The following UTRN variants were observed in gnomAD, a reference collection of about 807,000 sequenced individuals.
UTRN encodes the protein utrophin, also known as dystrophin-related protein 1.
Under a neutral mutation model 463.9 loss-of-function variants are expected in UTRN, and 283 were observed. The observed-to-expected ratio is 0.61, with a 90% CI of 0.55 to 0.67. The LOEUF is 0.67. Among genes scored for constraint, UTRN ranks in the 30% least tolerant of loss-of-function variants. UTRN has a pLI of 0.00. For synonymous variants in UTRN, 1,442 were observed against 1,431.5 expected, an observed-to-expected ratio of 1.01 and a Z score of -0.17; for missense variants, 3,922 against 4,084.3, an observed-to-expected ratio of 0.96 and a Z score of 1.08.
intron 2 of UTRN, among the ~76,000 whole-genome samples, chr6:144,397,586 G>A (rs764416368): frequency 6.6e-6 from 1 of 151,896 alleles, no homozygotes; most frequent in Non-Finnish European, 1.5e-5. Context: ...ATAGCCCTCT[G>A]TGTTTTCTTG....
intron 51 of UTRN, among the ~76,000 whole-genome samples, chr6:144,661,372 T>C (rs1228979407): frequency 1.3e-5 from 2 of 152,124 alleles, no homozygotes; most frequent in Non-Finnish European, 2.9e-5. Flanking sequence ...AGAGAAGAAT[T>C]TAGCTCTTTG....
intron 58 of UTRN, among the ~76,000 whole-genome samples, chr6:144,762,388 A>C (rs1408208481): frequency 1.3e-5 from 2 of 152,208 alleles, no homozygotes; most frequent in Non-Finnish European, 2.9e-5. Context: ...AGAAAGTATG[A>C]GCAAACATCC....
intron 2 of UTRN, among the ~76,000 whole-genome samples, chr6:144,370,653 G>A (rs1446695610): frequency 6.6e-6 from 1 of 152,104 alleles, no homozygotes; most frequent in East Asian, 1.9e-4. Context: ...CCCCAGAATG[G>A]TAGATCCACT....
intron 60 of UTRN, 45 bp downstream of exon 60, chr6:144,774,409 G>GTTTTT: frequency 7.8e-7 from 1 of 1,277,758 alleles, no homozygotes; most frequent in Non-Finnish European, 1.1e-6. Flanking sequence ...CTTGAATTGC[G>GTTTTT]TTTTTTTTTT....
At chr6:144,479,110 AG>A (rs976643333) in intron 25 of UTRN, among the ~76,000 whole-genome samples, 9 of 139,534 alleles carry the variant, frequency 6.5e-5, no homozygotes, top group South Asian at 2.3e-4. Context: ...GATTGCTTCT[AG>A]GGGTTTTTTT....
chr6:144,360,337 G>A lies in UTRN; in HGVS notation c.80-42786G>A, dbSNP rs182112164. On this transcript the variant is annotated intron_variant, in intron 2 of 74. Coordinates refer to ENST00000367545, the MANE Select transcript of UTRN (RefSeq NM_007124.3). ...ACAGGTGCCTGCCACCATGCCTGGC[G>A]AATTTTTATATTTTTAGTAGAAACG... Among the ~76,000 whole-genome samples the A allele has an allele frequency of 5.7e-3, 862 of 151,596 alleles. 2 individuals are homozygous for A. Among genetic ancestry groups the A allele is most frequent in the Non-Finnish European group, 0.01 (681 of 67,862 alleles).
intron 50 of UTRN, among the ~76,000 whole-genome samples, chr6:144,569,619 G>A (rs188360983): frequency 6.6e-5 from 10 of 152,238 alleles, no homozygotes; most frequent in Admixed American, 6.5e-4. Flanking sequence ...TACTTGTTGA[G>A]TTTCTACTGT....
rs147875309 is a variant in UTRN, at chr6:144,670,354, G to A, written c.7480-8052G>A. Among the ~76,000 whole-genome samples, 1,294 of 152,058 alleles carry A rather than the reference G, an allele frequency of 8.5e-3. 16 individuals carry two copies. The highest frequency in any genetic ancestry group is 0.029 in the African/African-American group (1,222 of 41,482). On this transcript the variant is annotated intron_variant, in intron 51 of 74. Transcript: ENST00000367545. ...TAAGGGGGTATCACATTGTGGTTTT[G>A]ATTTGCATTTCCCTGATAATTAGTG...
In UTRN at chr6:144,285,552, GT is replaced by G. The variant is rs1451309795; in HGVS notation, c.-357del. ...TCCAGGTTTGCGCTTTGACTGTTTT[GT>G]TTTTGGCGGAACTACCAGGCAGGAA... On this transcript the variant is annotated 5_prime_UTR_variant, in exon 1 of 75. Coordinates refer to ENST00000367545, the MANE Select transcript of UTRN (RefSeq NM_007124.3). 1 of 152,276 alleles carries G rather than the reference GT, an allele frequency of 6.6e-6. No homozygotes were observed. Among genetic ancestry groups the G allele is most frequent in the Non-Finnish European group, 1.5e-5 (1 of 68,064 alleles). The allele number at this position is 152,276 out of a possible 1,614,324, so 9.4% of individuals were successfully genotyped here.
At chr6:144,817,229 A>G (rs1166319211) in intron 65 of UTRN, among the ~76,000 whole-genome samples, 1 of 152,216 alleles carries the variant, frequency 6.6e-6, no homozygotes, top group Admixed American at 6.5e-5. Context: ...TTTATAAGGT[A>G]CAAGGTCCTA....
intron 51 of UTRN, among the ~76,000 whole-genome samples, chr6:144,672,180 T>A (rs2128679214): frequency 6.6e-6 from 1 of 152,208 alleles, no homozygotes; most frequent in East Asian, 1.9e-4. Context: ...GTAGAATGAT[T>A]TAGGGAGGAT....
chr6:144,542,148 C>T (rs760812671), intron 45 of UTRN, among the ~76,000 whole-genome samples: 5 of 151,966 alleles, frequency 3.3e-5, no homozygotes, highest in African/African-American at 4.8e-5. Context: ...AGCTTCACTA[C>T]GGAGATAGAT....
chr6:144,783,892 C>A (rs1232129198), intron 61 of UTRN, among the ~76,000 whole-genome samples: 3 of 152,134 alleles, frequency 2.0e-5, no homozygotes. Flanking sequence ...TTTGCGATAT[C>A]TCTGTCTGAT....
At chr6:144,511,152 A>C (rs1795132137) in intron 35 of UTRN, 29 bp downstream of exon 35, 3 of 1,460,176 alleles carry the variant, frequency 2.1e-6, no homozygotes, top group African/African-American at 2.9e-5. Context: ...TAAATGATGA[A>C]ATCTTCTCCT....
At chr6:144,800,296 T>A (rs1777594435) in intron 64 of UTRN, among the ~76,000 whole-genome samples, 1 of 152,206 alleles carries the variant, frequency 6.6e-6, no homozygotes, top group African/African-American at 2.4e-5. Flanking sequence ...GACATGGATG[T>A]TTATTATATT....
chr6:144,481,140 A>G (rs1409417562), intron 26 of UTRN, among the ~76,000 whole-genome samples: 1 of 152,132 alleles, frequency 6.6e-6, no homozygotes, highest in African/African-American at 2.4e-5. Flanking sequence ...CATTTTATTT[A>G]TTTTTATTCT....
chr6:144,310,477 A>G (rs113828241), intron 2 of UTRN, among the ~76,000 whole-genome samples: 2,873 of 150,956 alleles, frequency 0.019, 100 homozygotes, highest in African/African-American at 0.066. Flanking sequence ...CGGAGGTTGC[A>G]GTGAGCTGAG....
chr6:144,463,006 C>A, intron 23 of UTRN, 140 bp downstream of exon 23: 1 of 785,172 alleles, frequency 1.3e-6, no homozygotes, highest in Non-Finnish European at 2.0e-6. Context: ...TGGGACTTAT[C>A]AAAGATGTAC....
intron 3 of UTRN, among the ~76,000 whole-genome samples, chr6:144,408,732 C>G (rs952451254): frequency 2.0e-5 from 3 of 152,172 alleles, no homozygotes; most frequent in Non-Finnish European, 4.4e-5. Flanking sequence ...TGAGACATTG[C>G]TTTTAGATTG....
Sources: allele counts gnomAD v4.1 joint callset (sites outside exome capture counted in the v4.1 genomes callset), GRCh38; gene constraint gnomAD v4.1.1; transcripts MANE v1.5; gene names NCBI Gene and HGNC (gene_info 2026-07-23, HGNC 2026-07-21).